The following ACACB variants were observed in gnomAD, a reference collection of about 807,000 sequenced individuals.
ACACB encodes acetyl-CoA carboxylase beta.
In ACACB, 209 loss-of-function variants were observed where a neutral mutation model predicts 278.8. That is an observed-to-expected ratio of 0.75 (90% CI 0.67 to 0.84). The LOEUF is 0.84. Among genes scored for constraint, ACACB ranks in the 40% least tolerant of loss-of-function variants. The probability of loss-of-function intolerance (pLI) is 0.00; values close to 1 mark genes in which losing one functional copy is unlikely to be tolerated. For missense variants in ACACB, 2,850 were observed against 3,269.0 expected (o/e 0.87, Z 3.13); for synonymous variants, 1,174 against 1,285.6 (o/e 0.91, Z 1.86).
At chr12:109,251,584 GC>G (rs1456312598) in intron 41 of ACACB, among the ~76,000 whole-genome samples, 5 of 152,128 alleles carry the variant, frequency 3.3e-5, no homozygotes, top group Non-Finnish European at 7.3e-5. Context: ...CCTTCACCCA[GC>G]TTCCCCTATG....
intron 1 of ACACB, among the ~76,000 whole-genome samples, chr12:109,131,044 G>A (rs976328786): frequency 6.6e-6 from 1 of 152,168 alleles, no homozygotes; most frequent in Non-Finnish European, 1.5e-5. Flanking sequence ...TGGGCAAGAG[G>A]GCAATTGCAT....
intron 3 of ACACB, 69 bp from the exon 4 acceptor site, chr12:109,167,827 C>T: frequency 7.5e-6 from 12 of 1,609,298 alleles, no homozygotes; most frequent in East Asian, 2.2e-5. Flanking sequence ...GAGGTGGACT[C>T]GGGGTAGCAC....
rs189236536 is a variant in ACACB at position 109,176,134 on chromosome 12, G to A, written c.1327-19G>A. 2.4e-4 allele frequency: 385 copies of A among 1,613,970 alleles called. 2 individuals are homozygous for A. In the African/African-American group the frequency reaches 4.3e-3, roughly 18 times the overall value. On this transcript the variant is annotated intron_variant, in intron 8 of 52. Transcript: ENST00000338432. ...AACTGGCTAACCTCTAAAGAGGTCTGTTTGTCCTTTGCACCCAGGCAGCAG... is the reference window on the plus strand; with the variant it reads ...AACTGGCTAACCTCTAAAGAGGTCTATTTGTCCTTTGCACCCAGGCAGCAG...
intron 2 of ACACB, among the ~76,000 whole-genome samples, chr12:109,143,869 G>A (rs1375340061): frequency 6.6e-6 from 1 of 152,080 alleles, no homozygotes; most frequent in Non-Finnish European, 1.5e-5. Context: ...CCAGCCTGTT[G>A]GAAACAACGC....
At chr12:109,212,705 T>C in intron 21 of ACACB, 131 bp from the exon 22 acceptor site, 3 of 704,070 alleles carry the variant, frequency 4.3e-6, no homozygotes, top group Non-Finnish European at 7.5e-6. Context: ...TACCTCCCAC[T>C]GTTCAGCCAG....
At chr12:109,191,372 C>G (rs1027212798) in intron 13 of ACACB, 37 of 385,774 alleles carry the variant, frequency 9.6e-5, no homozygotes, top group Non-Finnish European at 1.2e-4. Flanking sequence ...CTCCACCATG[C>G]TGAGCTAAGT....
intron 44 of ACACB, 29 bp downstream of exon 44, chr12:109,254,363 C>A: frequency 6.3e-7 from 1 of 1,595,056 alleles, no homozygotes; most frequent in Non-Finnish European, 8.5e-7. Context: ...TGCCTAGGAC[C>A]TGGTCTCGGG....
intron 17 of ACACB, among the ~76,000 whole-genome samples, chr12:109,198,751 G>A (rs529245231): frequency 6.6e-6 from 1 of 152,100 alleles, no homozygotes; most frequent in Admixed American, 6.5e-5. Context: ...CTCCTGAGTA[G>A]CTGGGACTAC....
At chr12:109,227,170 C>T (rs1289052574) in intron 27 of ACACB, among the ~76,000 whole-genome samples, 2 of 152,082 alleles carry the variant, frequency 1.3e-5, no homozygotes, top group East Asian at 1.9e-4. Context: ...AGACTGGTCT[C>T]GAACTCCTGG....
chr12:109,201,860 C>G (rs1268668986), intron 19 of ACACB, among the ~76,000 whole-genome samples, 159 bp downstream of exon 19: 4 of 152,202 alleles, frequency 2.6e-5, no homozygotes, highest in African/African-American at 9.7e-5. Context: ...TGCAGAAACA[C>G]AAGGAAGCCG....
In ACACB at chr12:109,179,900, T is replaced by G. The variant is rs1299170692; in HGVS notation, c.1648-17T>G. The G allele has an allele frequency of 1.3e-6, 2 of 1,594,568 alleles. No individual in the cohort carries two copies. Among genetic ancestry groups the G allele is most frequent in the South Asian group, 2.2e-5 (2 of 90,578 alleles). ...AGACCTCTGGAACCCCCTTGGCCTC[T>G]TTCTGTTTCTTCACAGTGTGCCATC... On this transcript the variant is annotated splice_polypyrimidine_tract_variant and intron_variant, in intron 10 of 52. Transcript: ENST00000338432.
Position 109,222,515 on chromosome 12 carries a change from G to C in ACACB, c.3573G>C (p.Leu1191=). ...NQLVIMLIDE[L]CGPDPSLSDE... ...TTTTTCTGTCCCCTAAGGATGAGCTGTGTGGCCCAGACCCTTCCCTGTCGG... is the reference window on the plus strand; with the variant it reads ...TTTTTCTGTCCCCTAAGGATGAGCTCTGTGGCCCAGACCCTTCCCTGTCGG... The change falls in exon 25 of 53, where the codon CTG becomes CTC. Residue 1191 remains leucine, a synonymous_variant. Coordinates refer to ENST00000338432, the MANE Select transcript of ACACB (RefSeq NM_001093.4). 6.2e-7 allele frequency: 1 copy of C among 1,614,138 alleles called. No individual in the cohort carries two copies. Among genetic ancestry groups the C allele is most frequent in the Non-Finnish European group, 8.5e-7 (1 of 1,179,996 alleles).
intron 13 of ACACB, among the ~76,000 whole-genome samples, chr12:109,189,656 G>A (rs1033916270): frequency 6.6e-6 from 1 of 152,164 alleles, no homozygotes; most frequent in Non-Finnish European, 1.5e-5. Context: ...AGACCAGCGG[G>A]TTAACTCTCA....
Position 109,221,193 on chromosome 12 carries a change from T to C in ACACB, c.3565-1314T>C, listed in dbSNP as rs142075978. ...TGTGTCTTTGTGTATGAAATATCAA[T>C]ATGTTGAAGTTTTTTCTGATGATAA... On this transcript the variant is annotated intron_variant, in intron 24 of 52. Coordinates refer to ENST00000338432, the MANE Select transcript of ACACB (RefSeq NM_001093.4). 3.7e-3 allele frequency among the ~76,000 whole-genome samples: 563 copies of C among 152,330 alleles called. 5 individuals are homozygous for C. Among genetic ancestry groups the C allele is most frequent in the African/African-American group, 0.013 (537 of 41,570 alleles).
At chr12:109,203,784 G>A (rs1215971678) in intron 19 of ACACB, among the ~76,000 whole-genome samples, 6 of 152,146 alleles carry the variant, frequency 3.9e-5, no homozygotes. Context: ...TGTCATTACC[G>A]ATGAGTCCCT....
chr12:109,151,370 A>G (rs2043371461), intron 2 of ACACB, among the ~76,000 whole-genome samples: 1 of 152,134 alleles, frequency 6.6e-6, no homozygotes, highest in Non-Finnish European at 1.5e-5. Context: ...GTACAGAGCA[A>G]CTAACCATTC....
Position 109,192,057 on chromosome 12 carries a change from G to A in ACACB, c.2399+107G>A, listed in dbSNP as rs529229053. 1.3e-5 allele frequency: 15 copies of A among 1,163,850 alleles called. No individual in the cohort carries two copies. The East Asian group carries it at 2.7e-4, about 21-fold the overall frequency. 72.1% of individuals were successfully genotyped at this position (1,163,850 alleles called of 1,614,324 possible). Reference sequence around the variant, plus strand: ...TGGCCAGTTAGTCACCAGGCAATTGGTGAGTCTCTCCTCCGGTCTTGCCTC... The same window carrying A: ...TGGCCAGTTAGTCACCAGGCAATTGATGAGTCTCTCCTCCGGTCTTGCCTC... On this transcript the variant is annotated intron_variant, in intron 15 of 52. Coordinates refer to ENST00000338432, the MANE Select transcript of ACACB (RefSeq NM_001093.4).
chr12:109,170,814 T>TA (rs2044087721), intron 4 of ACACB, among the ~76,000 whole-genome samples: 1 of 151,654 alleles, frequency 6.6e-6, no homozygotes, highest in African/African-American at 2.4e-5. Context: ...TACCATAATT[T>TA]AAAACTCTGT....
chr12:109,206,651 G>T (rs554641873), intron 19 of ACACB, 59 bp from the exon 20 acceptor site: 7 of 1,602,370 alleles, frequency 4.4e-6, no homozygotes, highest in Admixed American at 3.3e-5. Flanking sequence ...CGTTCTGCCC[G>T]GTCCCATTTG....
Sources: allele counts gnomAD v4.1 joint callset (sites outside exome capture counted in the v4.1 genomes callset), GRCh38; gene constraint gnomAD v4.1.1; transcripts MANE v1.5; gene names NCBI Gene and HGNC (gene_info 2026-07-23, HGNC 2026-07-21).